CFAP69: variants seen among roughly 807,000 people sequenced by gnomAD.
CFAP69 encodes the protein cilia- and flagella-associated protein 69.
CFAP69 carries 92 observed loss-of-function variants against 123.0 expected under a neutral mutation model. The observed-to-expected ratio is 0.75, with a 90% CI of 0.63 to 0.89. The LOEUF is 0.89. Among genes scored for constraint, CFAP69 ranks in the 40% least tolerant of loss-of-function variants. CFAP69 has a pLI of 0.00. For synonymous variants in CFAP69, 380 were observed against 364.3 expected (o/e 1.04, Z -0.49); for missense variants, 1,067 against 1,096.9 (o/e 0.97, Z 0.39).
intron 5 of CFAP69, among the ~76,000 whole-genome samples, chr7:90,267,002 G>T (rs778304376): frequency 3.3e-5 from 5 of 152,056 alleles, no homozygotes; most frequent in Non-Finnish European, 5.9e-5. Context: ...AAATTTACAG[G>T]AACTAAAACA....
At chr7:90,299,435 A>G (rs1792442927) in intron 16 of CFAP69, among the ~76,000 whole-genome samples, 1 of 152,116 alleles carries the variant, frequency 6.6e-6, no homozygotes, top group African/African-American at 2.4e-5. Flanking sequence ...ACCATCAGTT[A>G]CTCTCTTAAT....
chr7:90,290,752 TTTCTTTTCTTTTCTTTTCTTTTC>T (rs1791017557), intron 15 of CFAP69, among the ~76,000 whole-genome samples: 1 of 2,006 alleles, frequency 5.0e-4, no homozygotes, highest in South Asian at 0.025. Flanking sequence ...TGTCTTTTCT[TTTCTTTTCTTTTCTTTTCTTTTC>T]TTTTCTTTTC....
At chr7:90,275,590 C>CTT (rs57578763) in intron 9 of CFAP69, among the ~76,000 whole-genome samples, 11,625 of 62,102 alleles carry the variant, frequency 0.19, 3,968 homozygotes, top group Non-Finnish European at 0.23. Flanking sequence ...GGCCAAAAGC[C>CTT]TTTTTTTTTT....
chr7:90,284,082 A>G (rs184295255), intron 13 of CFAP69, among the ~76,000 whole-genome samples: 48 of 152,168 alleles, frequency 3.2e-4, no homozygotes, highest in Admixed American at 2.8e-3. Flanking sequence ...AATCTTTCAT[A>G]TGTCTAGGAA....
chr7:90,271,499 A>G (rs762485438), intron 6 of CFAP69, 27 bp from the exon 7 acceptor site: 5 of 1,592,274 alleles, frequency 3.1e-6, no homozygotes, highest in Admixed American at 1.7e-5. Flanking sequence ...AGATAACTGT[A>G]TGTATTTATT....
chr7:90,250,718 T>G (rs1796917385), intron 1 of CFAP69, among the ~76,000 whole-genome samples: 1 of 152,206 alleles, frequency 6.6e-6, no homozygotes, highest in Non-Finnish European at 1.5e-5. Context: ...TATTCTCTGC[T>G]TGTGTGATCT....
chr7:90,316,802 T>C, the CFAP69 span: 1 of 152,198 alleles, frequency 6.6e-6, no homozygotes, highest in Admixed American at 6.5e-5. Context: ...TAGAAAACCA[T>C]TTTGCCATTA....
downstream of CFAP69, among the ~76,000 whole-genome samples, chr7:90,314,871 C>T (rs967386881): frequency 1.3e-5 from 2 of 151,570 alleles, no homozygotes; most frequent in African/African-American, 4.8e-5. Context: ...CGCTCCCCCC[C>T]CTGCTTTAAA....
rs115940271 is a variant in CFAP69, at chr7:90,300,957, A to G, written c.2050+898A>G. The G allele has an allele frequency of 8.2e-3, 1,238 of 151,596 alleles. 16 individuals carry two copies. Among genetic ancestry groups the G allele is most frequent in the African/African-American group, 0.029 (1,185 of 41,266 alleles). 9.4% of individuals were successfully genotyped at this position (151,596 alleles called of 1,614,324 possible). On this transcript the variant is annotated intron_variant, in intron 17 of 22. Transcript: ENST00000389297. ...ATGAGCCACCACACCTGGCCAATAT[A>G]TTACATTTTCTTTTTTTCTTTTTTT... is the stretch of plus-strand genomic sequence containing the variant.
At chr7:90,304,456 C>A in intron 18 of CFAP69, 1 of 1,203,766 alleles carries the variant, frequency 8.3e-7, no homozygotes, top group Non-Finnish European at 1.0e-6. Context: ...GTTTATCAAA[C>A]ACTCTTCAGC....
rs1366282463 is a variant in CFAP69, at chr7:90,286,319, G to C, written c.1576G>C (p.Glu526Gln). The C allele has an allele frequency of 1.2e-6, 2 of 1,607,780 alleles. No homozygotes were observed. The highest frequency in any genetic ancestry group is 3.3e-5 in the Admixed American group (2 of 59,724). Residue 526 changes from glutamate to glutamine, a missense_variant, in exon 14 of 23, where the codon GAA becomes CAA. By Grantham distance (29) the Glu-to-Gln change is conservative. Transcript: ENST00000389297. The stretch of plus-strand genomic sequence containing the variant: ...TATAATAAGCAAGCCTAATGAAAAG[G>C]AAGAAGCCATTGTTTTGGAAATCCA... ...KNIISKPNEKEEAIVLEIQSD... is the reference protein window; with the variant it reads ...KNIISKPNEKQEAIVLEIQSD...
intron 2 of CFAP69, 131 bp from the exon 3 acceptor site, chr7:90,257,967 G>T: frequency 3.3e-6 from 2 of 614,536 alleles, no homozygotes; most frequent in South Asian, 2.1e-5. Flanking sequence ...ATTTTATAAC[G>T]TTTACATTAT....
intron 1 of CFAP69, among the ~76,000 whole-genome samples, chr7:90,251,593 A>G (rs993227117): frequency 2.0e-5 from 3 of 152,192 alleles, no homozygotes; most frequent in East Asian, 1.9e-4. Context: ...AAAGCCTTCT[A>G]TAAAATCCCA....
At chr7:90,287,390 C>CA in intron 14 of CFAP69, 5 of 518,400 alleles carry the variant, frequency 9.6e-6, no homozygotes, top group Non-Finnish European at 1.2e-5. Flanking sequence ...AACTGCCAAA[C>CA]AGTTTTCCAG....
In CFAP69 at chr7:90,259,199, G is replaced by T. The variant is rs182925851; in HGVS notation, c.246+1036G>T. On this transcript the variant is annotated intron_variant, in intron 3 of 22. Transcript: ENST00000389297. The stretch of plus-strand genomic sequence containing the variant: ...AGGCCAAGACAGGAGGATTGCTTGA[G>T]GCTAGGAGTTCAAGACCAGACTGGT... Among the ~76,000 whole-genome samples the T allele has an allele frequency of 3.2e-3, 491 of 152,190 alleles. 6 individuals carry two copies. The highest frequency in any genetic ancestry group is 2.8e-3 in the Non-Finnish European group (189 of 68,000).
intron 6 of CFAP69, among the ~76,000 whole-genome samples, chr7:90,270,965 T>C (rs17861288): frequency 0.028 from 4,187 of 152,230 alleles, 89 homozygotes; most frequent in South Asian, 0.1. Context: ...TCACCTCTTA[T>C]TTTATTGCTG....
chr7:90,273,675 T>C (rs925991977), intron 8 of CFAP69, among the ~76,000 whole-genome samples: 13 of 152,138 alleles, frequency 8.5e-5, no homozygotes, highest in African/African-American at 3.1e-4. Flanking sequence ...CAACAGAAAG[T>C]TATTTTTCAG....
chr7:90,250,098 C>A (rs1038594133), intron 1 of CFAP69, among the ~76,000 whole-genome samples: 3 of 151,646 alleles, frequency 2.0e-5, no homozygotes, highest in Non-Finnish European at 4.4e-5. Flanking sequence ...GTGCCAGCTA[C>A]TTGAGAGGCT....
At chr7:90,273,867 T>A (rs1800344165) in intron 8 of CFAP69, 120 bp from the exon 9 acceptor site, 1 of 711,694 alleles carries the variant, frequency 1.4e-6, no homozygotes. Context: ...ATTACCTCCC[T>A]AAGGCCTCAC....
Sources: allele counts gnomAD v4.1 joint callset (sites outside exome capture counted in the v4.1 genomes callset), GRCh38; gene constraint gnomAD v4.1.1; transcripts MANE v1.5; gene names NCBI Gene and HGNC (gene_info 2026-07-23, HGNC 2026-07-21).